The following SLC4A4 variants were observed in gnomAD, a reference collection of about 807,000 sequenced individuals.
SLC4A4 encodes solute carrier family 4 member 4, also known as electrogenic sodium bicarbonate cotransporter 1.
SLC4A4 carries 27 observed loss-of-function variants against 111.5 expected under a neutral mutation model. The observed-to-expected ratio is 0.24, with a 90% CI of 0.18 to 0.33. The LOEUF (loss-of-function observed/expected upper bound fraction) is 0.33, where lower values mean the gene tolerates loss of function less well. Among genes scored for constraint, SLC4A4 ranks in the 10% least tolerant of loss-of-function variants. The pLI is 1.00. For missense variants in SLC4A4, 909 were observed against 1,315.5 expected, an observed-to-expected ratio of 0.69 and a Z score of 4.78; for synonymous variants, 443 against 463.4, an observed-to-expected ratio of 0.96 and a Z score of 0.57.
At chr4:71,083,973 A>T (rs1026185744) in intron 1 of SLC4A4, among the ~76,000 whole-genome samples, 8 of 151,458 alleles carry the variant, frequency 5.3e-5, no homozygotes, top group South Asian at 2.1e-4. Context: ...TCTATGTAAG[A>T]TCTACTTCTG....
At chr4:71,502,543 A>G (rs1286999794) in intron 16 of SLC4A4, among the ~76,000 whole-genome samples, 1 of 152,144 alleles carries the variant, frequency 6.6e-6, no homozygotes, top group Admixed American at 6.5e-5. Context: ...CATTTGTCTC[A>G]AATTTATTAA....
intron 3 of SLC4A4, among the ~76,000 whole-genome samples, chr4:71,267,451 G>C (rs925008891): frequency 5.9e-5 from 9 of 152,144 alleles, no homozygotes; most frequent in African/African-American, 1.9e-4. Flanking sequence ...TACAAGAGTG[G>C]TTATCTAAGG....
At chr4:71,119,668 T>C (rs1743363969) in intron 2 of SLC4A4, among the ~76,000 whole-genome samples, 1 of 152,238 alleles carries the variant, frequency 6.6e-6, no homozygotes, top group African/African-American at 2.4e-5. Flanking sequence ...GGGATTCATT[T>C]GGCTTGAATC....
intron 4 of SLC4A4, among the ~76,000 whole-genome samples, chr4:71,342,719 G>C (rs1416051346): frequency 6.6e-6 from 1 of 152,014 alleles, no homozygotes. Flanking sequence ...ATAATTCCTG[G>C]TCCCAGAAAG....
chr4:71,520,608 G>C (rs1732838864), intron 16 of SLC4A4, among the ~76,000 whole-genome samples: 1 of 152,172 alleles, frequency 6.6e-6, no homozygotes, highest in African/African-American at 2.4e-5. Context: ...ACAGCCTTTT[G>C]AGCTCTAGTA....
At chr4:71,437,736 C>A (rs1443962064) in intron 7 of SLC4A4, 1 of 312,260 alleles carries the variant, frequency 3.2e-6, no homozygotes, top group Admixed American at 3.5e-5. Flanking sequence ...CGGCCCCCTC[C>A]AAAGTGAAAT....
At position 71,234,636 on chromosome 4, in the gene SLC4A4, G is replaced by A. The variant is rs7669254; in HGVS notation, c.-1-1940G>A. ...GACGGGGTTTCACTGTGTTAGTCAG[G>A]CTTGTCTCCAACTCCTGACCTCAAG... is the stretch of plus-strand genomic sequence containing the variant. On this transcript the variant is annotated intron_variant, in intron 1 of 25. Coordinates refer to ENST00000264485, the MANE Select transcript of SLC4A4 (RefSeq NM_001098484.3). Among the ~76,000 whole-genome samples the A allele has an allele frequency of 3.8e-3, 582 of 152,228 alleles. 10 individuals are homozygous for A. Among genetic ancestry groups the A allele is most frequent in the African/African-American group, 0.013 (533 of 41,536 alleles).
At chr4:71,073,952 G>A (rs1741741083) in intron 1 of SLC4A4, among the ~76,000 whole-genome samples, 1 of 152,008 alleles carries the variant, frequency 6.6e-6, no homozygotes, top group Admixed American at 6.6e-5. Context: ...TGGTGTGATG[G>A]TGTGTGCCTG....
chr4:71,172,688 G>GT (rs1341863199), intron 2 of SLC4A4, among the ~76,000 whole-genome samples: 3 of 152,196 alleles, frequency 2.0e-5, no homozygotes, highest in African/African-American at 7.2e-5. Flanking sequence ...TAAAATGTTA[G>GT]TTTTTTTGTA....
intron 6 of SLC4A4, among the ~76,000 whole-genome samples, chr4:71,373,501 G>A (rs1732068466): frequency 6.6e-6 from 1 of 152,152 alleles, no homozygotes; most frequent in East Asian, 1.9e-4. Flanking sequence ...AAGTAAAAAA[G>A]CAACCATGTT....
intron 3 of SLC4A4, among the ~76,000 whole-genome samples, chr4:71,291,963 A>G (rs913798870): frequency 6.6e-6 from 1 of 152,204 alleles, no homozygotes; most frequent in African/African-American, 2.4e-5. Flanking sequence ...ACAGGCATAC[A>G]ATGCATAATA....
chr4:71,238,624 G>T (rs1156268479), intron 2 of SLC4A4, among the ~76,000 whole-genome samples: 2 of 152,126 alleles, frequency 1.3e-5, no homozygotes, highest in African/African-American at 4.8e-5. Context: ...GATAGTTGCC[G>T]GTTGCTGAGT....
intron 2 of SLC4A4, among the ~76,000 whole-genome samples, chr4:71,245,315 A>C (rs943204044): frequency 6.6e-6 from 1 of 152,216 alleles, no homozygotes; most frequent in East Asian, 1.9e-4. Context: ...TGATAAGACC[A>C]AATTTGTATT....
chr4:71,420,712 A>G (rs903915992), intron 7 of SLC4A4, among the ~76,000 whole-genome samples: 1 of 149,766 alleles, frequency 6.7e-6, no homozygotes, highest in Admixed American at 6.7e-5. Flanking sequence ...TTTTCAACCC[A>G]GAATTTCATA....
intron 6 of SLC4A4, among the ~76,000 whole-genome samples, chr4:71,387,892 T>C (rs1718902409): frequency 6.6e-6 from 1 of 151,450 alleles, no homozygotes; most frequent in Non-Finnish European, 1.5e-5. Context: ...TGTCTACATA[T>C]ATATGGAAGA....
At chr4:71,326,723 T>TG (rs1276147203) in intron 3 of SLC4A4, among the ~76,000 whole-genome samples, 1 of 152,074 alleles carries the variant, frequency 6.6e-6, no homozygotes, top group African/African-American at 2.4e-5. Context: ...TGGAGCCATT[T>TG]GGTTTAGGTC....
chr4:71,228,109 C>G (rs531650643), intron 1 of SLC4A4, among the ~76,000 whole-genome samples: 3 of 152,170 alleles, frequency 2.0e-5, no homozygotes, highest in African/African-American at 7.2e-5. Flanking sequence ...TACCCTCCCC[C>G]ACAGCACTTT....
intron 12 of SLC4A4, among the ~76,000 whole-genome samples, chr4:71,463,919 T>C (rs1409007355): frequency 6.6e-6 from 1 of 152,144 alleles, no homozygotes; most frequent in Non-Finnish European, 1.5e-5. Flanking sequence ...GTATTGCTCT[T>C]TTCCCCTTTA....
At chr4:71,406,094 A>G (rs990319704) in intron 7 of SLC4A4, among the ~76,000 whole-genome samples, 1 of 152,064 alleles carries the variant, frequency 6.6e-6, no homozygotes, top group Non-Finnish European at 1.5e-5. Flanking sequence ...GAAAAATTGC[A>G]AAAAGAGTTG....
Sources: gnomAD v4.1 joint callset for allele counts (sites outside exome capture counted in the v4.1 genomes callset) on GRCh38, gnomAD v4.1.1 for gene constraint, MANE v1.5 for transcripts, NCBI Gene and HGNC (gene_info 2026-07-23, HGNC 2026-07-21) for gene names.